DOK7: variants seen among roughly 807,000 people sequenced by gnomAD.
DOK7 encodes docking protein 7.
In DOK7, 32 loss-of-function variants were observed where a neutral mutation model predicts 30.7. The ratio of observed to expected loss-of-function variants is 1.04; its 90% confidence interval spans 0.79 to 1.40. The LOEUF is 1.40. Ranked by LOEUF, DOK7 falls within the 40% of genes most tolerant of loss-of-function variation. DOK7 has a pLI of 0.00. For synonymous variants in DOK7, 447 were observed against 324.1 expected (o/e 1.38, Z -4.07); for missense variants, 1,007 against 699.2 (o/e 1.44, Z -4.97).
intron 6 of DOK7, among the ~76,000 whole-genome samples, chr4:3,490,373 T>C (rs1728204987): frequency 5.8e-5 from 6 of 102,696 alleles, no homozygotes; most frequent in African/African-American, 8.9e-5. Flanking sequence ...ATTCCTTCCT[T>C]CCCCCCACCC....
chr4:3,470,649 G>A (rs985121516), intron 2 of DOK7, among the ~76,000 whole-genome samples: 5 of 152,186 alleles, frequency 3.3e-5, no homozygotes, highest in Admixed American at 6.5e-5. Flanking sequence ...GGCTCACTGT[G>A]GTCTCTGGGC....
In DOK7 at chr4:3,476,390, G is replaced by A; in HGVS notation, c.380G>A (p.Gly127Asp). The A allele has an allele frequency of 6.2e-7, 1 of 1,612,924 alleles. No homozygotes were observed. Among genetic ancestry groups the A allele is most frequent in the East Asian group, 2.2e-5 (1 of 44,858 alleles). ...GCTCCAGGCACCAAGTTGGAGAGCGGCCCGGCTACCCTGCACCTCTGCAAT... is the reference window on the plus strand; with the variant it reads ...GCTCCAGGCACCAAGTTGGAGAGCGACCCGGCTACCCTGCACCTCTGCAAT... ...TVAPGTKLESGPATLHLCNDV... is the reference protein window; with the variant it reads ...TVAPGTKLESDPATLHLCNDV... The change falls in exon 4 of 7, where the codon GGC (glycine) becomes GAC (aspartate). Residue 127 changes from glycine to aspartate, a missense_variant. By Grantham distance (94) the Gly-to-Asp change is moderately conservative (BLOSUM62 -1). Transcript: ENST00000340083.
intron 5 of DOK7, among the ~76,000 whole-genome samples, chr4:3,489,451 C>G (rs750939487): frequency 1.3e-5 from 2 of 152,152 alleles, no homozygotes; most frequent in African/African-American, 2.4e-5. Context: ...GGGCCATCCA[C>G]GGGCACAGGG....
chr4:3,497,411 G>C (rs1220509233), downstream of DOK7, among the ~76,000 whole-genome samples: 1 of 151,956 alleles, frequency 6.6e-6, no homozygotes, highest in African/African-American at 2.4e-5. Context: ...TTGGGAGGGA[G>C]GGCCAGGCAG....
At chr4:3,486,162 G>A (rs961224462) in intron 5 of DOK7, among the ~76,000 whole-genome samples, 1 of 152,202 alleles carries the variant, frequency 6.6e-6, no homozygotes, top group African/African-American at 2.4e-5. Flanking sequence ...ACGTTGGGCT[G>A]AGGGGGTCTC....
chr4:3,494,542 G>T (rs1728789739), downstream of DOK7: 9 of 984,896 alleles, frequency 9.1e-6, no homozygotes, highest in African/African-American at 1.7e-5. Flanking sequence ...CTCCACGTGG[G>T]GCCTCTGCCT....
At chr4:3,468,543 T>C (rs1277134863) in intron 2 of DOK7, among the ~76,000 whole-genome samples, 1 of 123,664 alleles carries the variant, frequency 8.1e-6, no homozygotes, top group Non-Finnish European at 1.8e-5. Flanking sequence ...TGAGTGTATG[T>C]GTGTGTGCCT....
intron 6 of DOK7, 77 bp downstream of exon 6, chr4:3,489,873 T>G: frequency 6.5e-7 from 1 of 1,527,888 alleles, no homozygotes; most frequent in Non-Finnish European, 8.8e-7. Context: ...CATCCATGCA[T>G]GTGTGGGGGC....
At chr4:3,489,579 A>C in intron 5 of DOK7, 98 bp from the exon 6 acceptor site, 1 of 1,542,064 alleles carries the variant, frequency 6.5e-7, no homozygotes, top group East Asian at 2.4e-5. Context: ...GCCACTCCAC[A>C]GAGGGGGATA....
intron 6 of DOK7, among the ~76,000 whole-genome samples, chr4:3,490,802 CCCCCCCGCTCATTCATTCCTGCCT>C: frequency 5.2e-5 from 2 of 38,576 alleles, no homozygotes; most frequent in South Asian, 1.5e-3. Flanking sequence ...CCTTCCTCTG[CCCCCCCGCTCATTCATTCCTGCCT>C]TCCCCCCATT....
chr4:3,476,113 CCCTGTTGCCTCCTCT>C (rs1727037973), intron 3 of DOK7, among the ~76,000 whole-genome samples: 1 of 148,572 alleles, frequency 6.7e-6, no homozygotes, highest in Non-Finnish European at 1.5e-5. Context: ...CCACAGTGGC[CCCTGTTGCCTCCTCT>C]CATGATGCCC....
chr4:3,465,265 ACCT>A (rs1438778807), intron 2 of DOK7, among the ~76,000 whole-genome samples: 1 of 151,980 alleles, frequency 6.6e-6, no homozygotes, highest in Non-Finnish European at 1.5e-5. Context: ...CCAGCCTGGC[ACCT>A]CCTCTCCGCT....
At chr4:3,473,782 G>A in intron 3 of DOK7, 146 bp downstream of exon 3, 1 of 820,044 alleles carries the variant, frequency 1.2e-6, no homozygotes, top group Admixed American at 2.8e-5. Flanking sequence ...GGTGGACTGA[G>A]CTCCAGCCTG....
At chr4:3,496,253 GAGA>G (rs1475472819), downstream of DOK7, among the ~76,000 whole-genome samples, 3 of 152,356 alleles carry the variant, frequency 2.0e-5, no homozygotes, top group African/African-American at 7.2e-5. Flanking sequence ...AGAGGCCCAG[GAGA>G]AGGTCGCCTG....
chr4:3,478,530 C>G (rs2699430), intron 4 of DOK7, among the ~76,000 whole-genome samples: 15,513 of 115,850 alleles, frequency 0.13, 975 homozygotes, highest in East Asian at 0.21. Flanking sequence ...ACCTGCAAAC[C>G]GGGCTGGCCC....
chr4:3,471,206 A>G (rs1021370315), intron 2 of DOK7, among the ~76,000 whole-genome samples: 9 of 152,226 alleles, frequency 5.9e-5, no homozygotes, highest in African/African-American at 2.2e-4. Flanking sequence ...ATATGCAAGC[A>G]TGTATTGAGT....
At chr4:3,487,285 A>G (rs1727871942) in intron 5 of DOK7, among the ~76,000 whole-genome samples, 1 of 152,210 alleles carries the variant, frequency 6.6e-6, no homozygotes, top group African/African-American at 2.4e-5. Flanking sequence ...CCGTGGGCCC[A>G]GCCCCCGCAG....
Position 3,468,744 on chromosome 4 carries a change from A to ACG in DOK7, c.101-4662_101-4661insCG, listed in dbSNP as rs1491189081. ...TGCGTGCCTGTATGTCTGCCTGTGT[A>ACG]TGTGTCTGTGTGCGTGTGTGTGTGC... On this transcript the variant is annotated intron_variant, in intron 2 of 6. Transcript: ENST00000340083. Among the ~76,000 whole-genome samples the ACG allele has an allele frequency of 6.4e-5, 6 of 94,186 alleles. 1 individual carries two copies. Among genetic ancestry groups the ACG allele is most frequent in the African/African-American group, 2.4e-4 (6 of 24,762 alleles). 61.8% of individuals were successfully genotyped at this position (94,186 alleles called of 152,430 possible). A position where few individuals can be genotyped will look rare whatever the true frequency, so the allele number is the denominator to read the frequency against.
At chr4:3,468,437 T>C (rs1269607487) in intron 2 of DOK7, among the ~76,000 whole-genome samples, 2 of 139,530 alleles carry the variant, frequency 1.4e-5, no homozygotes, top group African/African-American at 5.7e-5. Flanking sequence ...TGAATGTACA[T>C]GTACGAGTGT....
Sources: allele counts gnomAD v4.1 joint callset (sites outside exome capture counted in the v4.1 genomes callset), GRCh38; gene constraint gnomAD v4.1.1; transcripts MANE v1.5; gene names NCBI Gene and HGNC (gene_info 2026-07-23, HGNC 2026-07-21).